Variants in RWDD4 observed in about 807,000 individuals in gnomAD.
RWDD4 encodes RWD domain-containing protein 4.
In RWDD4, 16 loss-of-function variants were observed where a neutral mutation model predicts 30.0. That is an observed-to-expected ratio of 0.53 (90% confidence interval 0.36 to 0.81). The LOEUF (loss-of-function observed/expected upper bound fraction) is 0.81. Among genes scored for constraint, RWDD4 ranks in the 30% least tolerant of loss-of-function variants. The pLI is 0.00. For synonymous variants in RWDD4, 45 were observed against 72.1 expected, an observed-to-expected ratio of 0.62 and a Z score of 1.90; for missense variants, 170 against 223.9, an observed-to-expected ratio of 0.76 and a Z score of 1.54.
chr4:183,653,943 A>C (rs1309080658), intron 2 of RWDD4, among the ~76,000 whole-genome samples: 1 of 152,240 alleles, frequency 6.6e-6, no homozygotes, highest in Non-Finnish European at 1.5e-5. Context: ...CAAAGTATGA[A>C]GAAATGGGGA....
At chr4:183,651,369 A>G in intron 2 of RWDD4, 42 bp from the exon 3 acceptor site, 1 of 1,417,730 alleles carries the variant, frequency 7.1e-7, no homozygotes, top group South Asian at 1.2e-5. Context: ...AAGGTGATAA[A>G]AAGACAGAAA....
chr4:183,645,216 C>G (rs1264853779), intron 7 of RWDD4, among the ~76,000 whole-genome samples: 1 of 152,194 alleles, frequency 6.6e-6, no homozygotes, highest in South Asian at 2.1e-4. Context: ...TTTAACTACC[C>G]TTGCATCCCA....
rs951819500 is a variant in RWDD4, at chr4:183,639,787, G to T, written c.*1649C>A. The T allele has an allele frequency of 6.6e-6, 1 of 152,538 alleles. No individual in the cohort carries two copies. Among genetic ancestry groups the T allele is most frequent in the East Asian group, 1.9e-4 (1 of 5,200 alleles). 9.4% of individuals were successfully genotyped at this position (152,538 alleles called of 1,614,324 possible). A position where few individuals can be genotyped will look rare whatever the true frequency, so the allele number is the denominator to read the frequency against. ...AAGTGTTTTACATAAGGTAATAAGA[G>T]GTACCACCATCACCAGAACCCCTAC... On this transcript the variant is annotated 3_prime_UTR_variant, in exon 8 of 8. Coordinates refer to ENST00000326397, the MANE Select transcript of RWDD4 (RefSeq NM_152682.4).
rs374156052 is a variant in RWDD4, at chr4:183,651,877, C to T, written c.106-550G>A. On this transcript the variant is annotated intron_variant, in intron 2 of 7. Coordinates refer to ENST00000326397, the MANE Select transcript of RWDD4 (RefSeq NM_152682.4). ...TGAATAAAGACGCCCTTGTTTCTTCCGCTCTGCTAACTTTTTATTTAAACA... is the reference window on the plus strand; with the variant it reads ...TGAATAAAGACGCCCTTGTTTCTTCTGCTCTGCTAACTTTTTATTTAAACA... 1.4e-4 allele frequency among the ~76,000 whole-genome samples: 21 copies of T among 152,280 alleles called. 1 individual carries two copies. The highest frequency in any genetic ancestry group is 8.3e-4 in the South Asian group (4 of 4,824).
chr4:183,657,059 T>C (rs1191357755), intron 1 of RWDD4, among the ~76,000 whole-genome samples: 8 of 152,126 alleles, frequency 5.3e-5, no homozygotes, highest in Middle Eastern at 3.2e-3. Context: ...AAAGACATTG[T>C]TGAAGAAACA....
chr4:183,654,692 G>A (rs1561013912), intron 2 of RWDD4, among the ~76,000 whole-genome samples: 1 of 152,130 alleles, frequency 6.6e-6, no homozygotes, highest in African/African-American at 2.4e-5. Context: ...GATTCAAACC[G>A]AAGGGCCTAG....
chr4:183,658,069 A>G (rs1472156829), intron 1 of RWDD4, among the ~76,000 whole-genome samples: 1 of 152,246 alleles, frequency 6.6e-6, no homozygotes, highest in Non-Finnish European at 1.5e-5. Context: ...AGAATATTTT[A>G]GAAGAGATTC....
intron 5 of RWDD4, 63 bp from the exon 6 acceptor site, chr4:183,646,600 G>T: frequency 7.1e-7 from 1 of 1,404,858 alleles, no homozygotes; most frequent in Non-Finnish European, 9.9e-7. Context: ...TAATAATTAA[G>T]ATTTTATATA....
At chr4:183,653,288 G>T (rs1015605354) in intron 2 of RWDD4, among the ~76,000 whole-genome samples, 1 of 151,870 alleles carries the variant, frequency 6.6e-6, no homozygotes, top group African/African-American at 2.4e-5. Flanking sequence ...GAATAATCTC[G>T]CTGGGTGAGG....
At chr4:183,655,372 C>A (rs1734167763) in intron 2 of RWDD4, among the ~76,000 whole-genome samples, 1 of 151,794 alleles carries the variant, frequency 6.6e-6, no homozygotes, top group East Asian at 1.9e-4. Context: ...AGCTCTGCCT[C>A]CCGGGTTCAC....
intron 2 of RWDD4, 35 bp from the exon 3 acceptor site, chr4:183,651,362 G>T: frequency 1.4e-6 from 2 of 1,480,198 alleles, no homozygotes; most frequent in South Asian, 1.2e-5. Context: ...CTTGTAAAAG[G>T]TGATAAAAAG....
At position 183,654,568 on chromosome 4, in the gene RWDD4, G is replaced by A. The variant is rs540247356; in HGVS notation, c.105+1313C>T. ...TGTCCATCTTATAGTACATATAAAT[G>A]TCCTAGGGCATTCTGCACAACATGC... On this transcript the variant is annotated intron_variant, in intron 2 of 7. Transcript: ENST00000326397. 3.9e-5 allele frequency among the ~76,000 whole-genome samples: 6 copies of A among 152,144 alleles called. No individual in the cohort carries two copies. The South Asian group carries it at 6.2e-4, about 16-fold the overall frequency.
At chr4:183,646,640 T>G in intron 5 of RWDD4, 103 bp from the exon 6 acceptor site, 1 of 951,052 alleles carries the variant, frequency 1.1e-6, no homozygotes, top group South Asian at 1.8e-5. Flanking sequence ...GGTTAAAAAT[T>G]TAAATGACAT....
chr4:183,644,296 G>A (rs1579123125), intron 7 of RWDD4, among the ~76,000 whole-genome samples: 1 of 152,198 alleles, frequency 6.6e-6, no homozygotes, highest in African/African-American at 2.4e-5. Context: ...GAATGCCGGA[G>A]AGGCTTCACT....
rs554188177 is a variant in RWDD4, at chr4:183,643,669, C to A, written c.535-2201G>T. ...TGGTGGCTCAAGCCTGTAATCCCAG[C>A]ACTTTGGGAGGCCAAGGCGGGTGGA... is the stretch of plus-strand genomic sequence containing the variant. On this transcript the variant is annotated intron_variant, in intron 7 of 7. Transcript: ENST00000326397. Among the ~76,000 whole-genome samples the A allele has an allele frequency of 3.3e-4, 50 of 152,166 alleles. No individual in the cohort carries two copies. The East Asian group carries it at 6.0e-3, about 18-fold the overall frequency.
At chr4:183,651,944 T>G (rs1003297071) in intron 2 of RWDD4, among the ~76,000 whole-genome samples, 1 of 152,218 alleles carries the variant, frequency 6.6e-6, no homozygotes, top group African/African-American at 2.4e-5. Flanking sequence ...TAATGAACAC[T>G]CTGACATTCA....
At chr4:183,652,882 T>C (rs1473277348) in intron 2 of RWDD4, among the ~76,000 whole-genome samples, 3 of 146,756 alleles carry the variant, frequency 2.0e-5, no homozygotes, top group African/African-American at 5.5e-5. Context: ...GTGTGCCCCA[T>C]GCCAGACTTT....
chr4:183,653,446 C>CA (rs1734123739), intron 2 of RWDD4: 1 of 151,918 alleles, frequency 6.6e-6, no homozygotes, highest in South Asian at 2.1e-4. Context: ...GGCAACACTA[C>CA]AAAACTGTAT....
intron 5 of RWDD4, among the ~76,000 whole-genome samples, chr4:183,648,620 G>C (rs1420307324): frequency 2.0e-5 from 3 of 152,154 alleles, no homozygotes; most frequent in Admixed American, 2.0e-4. Flanking sequence ...ATGGTATACT[G>C]GTATCCATTT....
Sources: gnomAD v4.1 joint callset for allele counts (sites outside exome capture counted in the v4.1 genomes callset) on GRCh38, gnomAD v4.1.1 for gene constraint, MANE v1.5 for transcripts, NCBI Gene and HGNC (gene_info 2026-07-23, HGNC 2026-07-21) for gene names.